SCN2B: variants seen among roughly 807,000 people sequenced by gnomAD.
SCN2B encodes the protein sodium channel regulatory subunit beta-2.
A neutral mutation model predicts 18.2 loss-of-function variants in SCN2B; 14 were observed. The observed-to-expected ratio is 0.77, with a 90% CI of 0.51 to 1.21. SCN2B has a LOEUF of 1.21. Ranked by LOEUF, SCN2B falls within the 50% of genes most tolerant of loss-of-function variation. SCN2B has a pLI of 0.00. For missense variants in SCN2B, 262 were observed against 286.9 expected, an observed-to-expected ratio of 0.91 and a Z score of 0.63; for synonymous variants, 115 against 115.3, an observed-to-expected ratio of 1.00 and a Z score of 0.02.
In SCN2B at chr11:118,166,952, C is replaced by G; in HGVS notation, c.583G>C (p.Asp195His). 1 of 1,614,188 alleles carries G rather than the reference C, an allele frequency of 6.2e-7. No homozygotes were observed. The highest frequency in any genetic ancestry group is 8.5e-7 in the Non-Finnish European group (1 of 1,180,042). ...TTGCCCTCCTCCTCGGTCTTCAGGT[C>G]ATCTGTGCTCAGCTTCTGCTCTTTT... ...RKKEQKLSTD[D>H]LKTEEEGKTD... is the part of the protein sequence containing the mutation. The change falls in exon 4 of 4, where the codon GAC becomes CAC. Residue 195 changes from aspartate (D) to histidine (H), a missense_variant. Asp to His is a moderately conservative substitution (Grantham distance 81). Coordinates refer to ENST00000278947, the MANE Select transcript of SCN2B (RefSeq NM_004588.5).
rs1948368169 is a variant in SCN2B, at chr11:118,165,222, G to A, written c.*1665C>T. 6.6e-6 allele frequency: 1 copy of A among 152,634 alleles called. No individual in the cohort carries two copies. The highest frequency in any genetic ancestry group is 2.1e-4 in the South Asian group (1 of 4,828). The allele number at this position is 152,634 out of a possible 1,614,324, so 9.5% of individuals were successfully genotyped here. Reference sequence around the variant, plus strand: ...GGCCCCTCCCACTGGGAAAATGATGGCTCTGTTGCTTCAAACTGGAGACTG... The same window carrying A: ...GGCCCCTCCCACTGGGAAAATGATGACTCTGTTGCTTCAAACTGGAGACTG... On this transcript the variant is annotated 3_prime_UTR_variant, in exon 4 of 4. Transcript: ENST00000278947.
At chr11:118,169,029 G>T (rs1948408858) in intron 1 of SCN2B, among the ~76,000 whole-genome samples, 1 of 152,102 alleles carries the variant, frequency 6.6e-6, no homozygotes, top group Non-Finnish European at 1.5e-5. Flanking sequence ...CCAAGTAGCT[G>T]GGAGTACAGG....
At chr11:118,174,092 T>G (rs71482133) in intron 1 of SCN2B, among the ~76,000 whole-genome samples, 2 of 21,358 alleles carry the variant, frequency 9.4e-5, no homozygotes. Context: ...TTTTCTTTTC[T>G]TTTTTTTTTT....
In SCN2B at chr11:118,164,041, C is replaced by T. The variant is rs1471374298; in HGVS notation, c.*2846G>A. The T allele has an allele frequency of 6.6e-6, 1 of 152,108 alleles. No individual in the cohort carries two copies. The highest frequency in any genetic ancestry group is 1.5e-5 in the Non-Finnish European group (1 of 68,026). The allele number at this position is 152,108 out of a possible 1,614,324, so 9.4% of individuals were successfully genotyped here. A position where few individuals can be genotyped will look rare whatever the true frequency, so the allele number is the denominator to read the frequency against. Reference sequence around the variant, plus strand: ...AGCCCCATCTGCTGGGGCCCTGAGGCCCGTGAAGAGACATTGCTTTTCCTG... The same window carrying T: ...AGCCCCATCTGCTGGGGCCCTGAGGTCCGTGAAGAGACATTGCTTTTCCTG... On this transcript the variant is annotated 3_prime_UTR_variant, in exon 4 of 4. Coordinates refer to ENST00000278947, the MANE Select transcript of SCN2B (RefSeq NM_004588.5).
intron 1 of SCN2B, among the ~76,000 whole-genome samples, chr11:118,175,924 C>T (rs1204755344): frequency 6.6e-6 from 1 of 152,128 alleles, no homozygotes; most frequent in Non-Finnish European, 1.5e-5. Flanking sequence ...CACCAGCTCC[C>T]CTGCACACTC....
rs1021109785 is a variant in SCN2B, at chr11:118,173,452, A to G, written c.70+2910T>C. On this transcript the variant is annotated intron_variant, in intron 1 of 3. Transcript: ENST00000278947. ...TTGTCCTCACCCCAGCCCTGTTCCT[A>G]TCTCTTCCACATGACTTGAGGGCAG... Among the ~76,000 whole-genome samples, 4 of 152,026 alleles carry G rather than the reference A, an allele frequency of 2.6e-5. No homozygotes were observed. In the South Asian group the frequency reaches 6.2e-4, roughly 24 times the overall value.
intron 1 of SCN2B, among the ~76,000 whole-genome samples, chr11:118,171,828 A>C (rs554727090): frequency 1.3e-4 from 20 of 152,338 alleles, no homozygotes; most frequent in Admixed American, 3.3e-4. Context: ...GTCAAACGTC[A>C]AGTTCCATCC....
rs138595787 is a variant in SCN2B, at chr11:118,169,039, G to A, written c.71-288C>T. ...GCCTCCCAAGTAGCTGGGAGTACAG[G>A]TGCAAGCCGCATGGAATTGGACTTC... On this transcript the variant is annotated intron_variant, in intron 1 of 3. Coordinates refer to ENST00000278947, the MANE Select transcript of SCN2B (RefSeq NM_004588.5). Among the ~76,000 whole-genome samples the A allele has an allele frequency of 3.6e-3, 549 of 152,232 alleles. 4 individuals are homozygous for A. Among genetic ancestry groups the A allele is most frequent in the African/African-American group, 0.012 (519 of 41,528 alleles).
In SCN2B at chr11:118,166,809, G is replaced by A; in HGVS notation, c.*78C>T. The A allele has an allele frequency of 1.3e-6, 2 of 1,577,830 alleles. No individual in the cohort carries two copies. The highest frequency in any genetic ancestry group is 1.1e-5 in the South Asian group (1 of 90,308). ...TCCTAGGTCACGGGAAGCACACCAA[G>A]AGCGAGCAGGCAGGGTCACTGTACA... On this transcript the variant is annotated 3_prime_UTR_variant, in exon 4 of 4. Coordinates refer to ENST00000278947, the MANE Select transcript of SCN2B (RefSeq NM_004588.5).
chr11:118,170,185 G>C (rs1269418542), intron 1 of SCN2B, among the ~76,000 whole-genome samples: 1 of 152,174 alleles, frequency 6.6e-6, no homozygotes, highest in African/African-American at 2.4e-5. Flanking sequence ...ATATTCTGGG[G>C]AGAAGGATAG....
chr11:118,174,091 C>CTTTTTTTTTTCTTT (rs1948449565), intron 1 of SCN2B, among the ~76,000 whole-genome samples: 3 of 66,626 alleles, frequency 4.5e-5, no homozygotes, highest in African/African-American at 1.9e-4. Context: ...TTTTTCTTTT[C>CTTTTTTTTTTCTTT]TTTTTTTTTT....
chr11:118,176,274 G>T, intron 1 of SCN2B, 88 bp downstream of exon 1: 2 of 1,231,804 alleles, frequency 1.6e-6, no homozygotes, highest in South Asian at 1.2e-5. Context: ...CGCTAGCAAT[G>T]TCTTCTTTCC....
chr11:118,168,391 G>T lies in SCN2B; in HGVS notation c.238-96C>A. The T allele has an allele frequency of 1.5e-6, 2 of 1,329,722 alleles. No individual in the cohort carries two copies. The highest frequency in any genetic ancestry group is 1.1e-6 in the Non-Finnish European group (1 of 923,752). The allele number at this position is 1,329,722 out of a possible 1,614,324, so 82.4% of individuals were successfully genotyped here. A position where few individuals can be genotyped will look rare whatever the true frequency, so the allele number is the denominator to read the frequency against. On this transcript the variant is annotated intron_variant, in intron 2 of 3. Coordinates refer to ENST00000278947, the MANE Select transcript of SCN2B (RefSeq NM_004588.5). This position sits in a 1 kb window ranked among gnomAD's most constrained non-coding sequence, Gnocchi z 4.7. ...CCTCTTCCCATCCACCCTTTTCCTG[G>T]GGAAGAGAGGCAGTTACCTCTGTGA...
In SCN2B at chr11:118,166,842, G is replaced by A; in HGVS notation, c.*45C>T. ...AGGCAGGGTCACTGTACAGGGCGGA[G>A]AGGGGAGGAGACGGGACACGGGAGG... On this transcript the variant is annotated 3_prime_UTR_variant, in exon 4 of 4. Coordinates refer to ENST00000278947, the MANE Select transcript of SCN2B (RefSeq NM_004588.5). 6.2e-7 allele frequency: 1 copy of A among 1,608,618 alleles called. No individual in the cohort carries two copies. Among genetic ancestry groups the A allele is most frequent in the Non-Finnish European group, 8.5e-7 (1 of 1,177,042 alleles).
rs770181064 is a variant in SCN2B, at chr11:118,168,714, G to A, written c.108C>T (p.Ala36=). 2 of 1,614,238 alleles carry A rather than the reference G, an allele frequency of 1.2e-6. No homozygotes were observed. Among genetic ancestry groups the A allele is most frequent in the South Asian group, 1.1e-5 (1 of 91,086 alleles). ...CAGAGCCATTGAGGACGTTGAGGGT[G>A]GCAGGTACTGTGACCTCCATGCTCC... The part of the protein sequence containing the change: ...PGRSMEVTVP[A]TLNVLNGSDA... The change falls in exon 2 of 4, where the codon GCC becomes GCT. Residue 36 remains alanine, a synonymous_variant. Coordinates refer to ENST00000278947, the MANE Select transcript of SCN2B (RefSeq NM_004588.5). This position sits in a 1 kb window ranked among gnomAD's most constrained non-coding sequence, Gnocchi z 4.7.
In SCN2B at chr11:118,163,809, C is replaced by G. The variant is rs1416676218; in HGVS notation, c.*3078G>C. On this transcript the variant is annotated 3_prime_UTR_variant, in exon 4 of 4. Transcript: ENST00000278947. The stretch of plus-strand genomic sequence containing the variant: ...GGTAGGAAGAGGAAGAACTTGTCAG[C>G]ATAAGTTAGGAAACAGGGTAGGGAA... 1 of 152,272 alleles carries G rather than the reference C, an allele frequency of 6.6e-6. No individual in the cohort carries two copies. Among genetic ancestry groups the G allele is most frequent in the African/African-American group, 2.4e-5 (1 of 41,440 alleles). 9.4% of individuals were successfully genotyped at this position (152,272 alleles called of 1,614,324 possible). A position where few individuals can be genotyped will look rare whatever the true frequency, so the allele number is the denominator to read the frequency against.
rs772817742 is a variant in SCN2B at position 118,168,238 on chromosome 11, C to T, written c.295G>A (p.Val99Met). The part of the protein sequence containing the change: ...NLKLERFQDR[V>M]EFSGNPSKYD... ...TTGCTGGGGTTCCCTGAGAACTCCA[C>T]GCGGTCTTGAAACCGCTCCAGCTTC... Residue 99 changes from valine to methionine, a missense_variant, in exon 3 of 4, where the codon GTG (valine) becomes ATG (methionine). Physicochemically the swap from Val to Met is conservative, Grantham distance 21. Transcript: ENST00000278947. This position sits in a 1 kb window ranked among gnomAD's most constrained non-coding sequence, Gnocchi z 4.7. 34 of 1,614,072 alleles carry T rather than the reference C, an allele frequency of 2.1e-5. No homozygotes were observed. The highest frequency in any genetic ancestry group is 2.8e-5 in the Non-Finnish European group (33 of 1,180,034).
In SCN2B at chr11:118,166,895, C is replaced by T. The variant is rs200264107; in HGVS notation, c.640G>A (p.Ala214Thr). 9.5e-5 allele frequency: 154 copies of T among 1,613,992 alleles called. No individual in the cohort carries two copies. The highest frequency in any genetic ancestry group is 1.2e-4 in the Non-Finnish European group (137 of 1,180,022). Residue 214 changes from alanine to threonine, a missense_variant, in exon 4 of 4, where the codon GCC becomes ACC. By Grantham distance (58) the Ala-to-Thr change is moderately conservative. Coordinates refer to ENST00000278947, the MANE Select transcript of SCN2B (RefSeq NM_004588.5). ...GCAGGGCCGGCCACCCACTACTTGG[C>T]GCCATCATCCGGGTTGCCTTCACCG... ...TDGEGNPDDG[A>T]K
intron 1 of SCN2B, among the ~76,000 whole-genome samples, chr11:118,174,627 T>C (rs1948455443): frequency 1.3e-5 from 2 of 152,108 alleles, no homozygotes; most frequent in African/African-American, 4.8e-5. Flanking sequence ...CATTCCTGCA[T>C]CCTCTCCCAC....
Sources: gnomAD v4.1 joint callset for allele counts (sites outside exome capture counted in the v4.1 genomes callset) on GRCh38, gnomAD v4.1.1 for gene constraint, Gnocchi (gnomAD v3.1) non-coding constraint, MANE v1.5 for transcripts, NCBI Gene and HGNC (gene_info 2026-07-23, HGNC 2026-07-21) for gene names.